The following EFR3B variants were observed in gnomAD, a reference collection of about 807,000 sequenced individuals.
EFR3B encodes the protein EFR3 homolog B.
EFR3B carries 64 observed loss-of-function variants against 104.7 expected under a neutral mutation model. The ratio of observed to expected loss-of-function variants is 0.61; its 90% CI spans 0.50 to 0.75. The LOEUF is 0.75. EFR3B is among the 30% of genes least tolerant of loss of function. The pLI is 0.00. For synonymous variants in EFR3B, 385 were observed against 417.9 expected, an observed-to-expected ratio of 0.92 and a Z score of 0.96; for missense variants, 750 against 1,078.5, an observed-to-expected ratio of 0.70 and a Z score of 4.27.
At chr2:25,060,432 T>C (rs1668155671) in intron 1 of EFR3B, among the ~76,000 whole-genome samples, 1 of 152,056 alleles carries the variant, frequency 6.6e-6, no homozygotes, top group South Asian at 2.1e-4. Context: ...CTCTTCCAAC[T>C]CAAATTAAGA....
chr2:25,057,503 T>TG (rs1194558437), intron 1 of EFR3B, among the ~76,000 whole-genome samples: 2 of 152,160 alleles, frequency 1.3e-5, no homozygotes, highest in South Asian at 2.1e-4. Flanking sequence ...ATTATCAGGC[T>TG]GAGCACGGTG....
chr2:25,050,294 G>A (rs1331481419), intron 1 of EFR3B, among the ~76,000 whole-genome samples: 1 of 152,152 alleles, frequency 6.6e-6, no homozygotes, highest in Non-Finnish European at 1.5e-5. Context: ...GTGGTGGGAG[G>A]TGATGTGAAA....
chr2:25,078,978 G>A lies in EFR3B; in HGVS notation c.8-12347G>A, dbSNP rs1021726553. Among the ~76,000 whole-genome samples the A allele has an allele frequency of 7.2e-5, 11 of 152,230 alleles. No individual in the cohort carries two copies. In the South Asian group the frequency reaches 1.7e-3, roughly 23 times the overall value. On this transcript the variant is annotated intron_variant, in intron 1 of 22. Transcript: ENST00000403714. ...GGCTCCCCTAATCTGCTCTGCTTCC[G>A]ACCTCCCAACCCTTCTCACTGTGGA...
chr2:25,100,586 G>A (rs541342543), intron 3 of EFR3B, among the ~76,000 whole-genome samples: 1 of 152,250 alleles, frequency 6.6e-6, no homozygotes, highest in African/African-American at 2.4e-5. Flanking sequence ...TCTGCCTCCT[G>A]AGTTCACACC....
rs772393613 is a variant in EFR3B at position 25,131,380 on chromosome 2, C to A, written c.862C>A (p.His288Asn). The A allele has an allele frequency of 1.3e-6, 2 of 1,550,874 alleles. No individual in the cohort carries two copies. The highest frequency in any genetic ancestry group is 8.7e-7 in the Non-Finnish European group (1 of 1,146,814). Residue 288 changes from histidine (H) to asparagine (N), a missense_variant, in exon 9 of 23, where the codon CAC (histidine) becomes AAC (asparagine). Coordinates refer to ENST00000403714, the MANE Select transcript of EFR3B (RefSeq NM_014971.2). This position sits in a 1 kb window ranked among gnomAD's most constrained non-coding sequence, Gnocchi z 7.6. ...IMYSIQPQHS[H>N]LVIQQLLGHL... ...CTTCCTCCCGCAGCCGCAGCACTCACACCTGGTCATCCAGCAGCTCCTGGG... is the reference window on the plus strand; with the variant it reads ...CTTCCTCCCGCAGCCGCAGCACTCAAACCTGGTCATCCAGCAGCTCCTGGG...
chr2:25,108,955 G>A (rs1441362032), intron 4 of EFR3B, among the ~76,000 whole-genome samples: 2 of 151,992 alleles, frequency 1.3e-5, no homozygotes, highest in African/African-American at 4.8e-5. Flanking sequence ...GCAGTGAGCC[G>A]AGATCGCTCC....
intron 1 of EFR3B, among the ~76,000 whole-genome samples, chr2:25,074,166 G>A (rs1181112108): frequency 1.3e-5 from 2 of 151,894 alleles, no homozygotes; most frequent in African/African-American, 4.8e-5. Context: ...GTCGCTCTAA[G>A]GAGTGGAGGG....
intron 1 of EFR3B, among the ~76,000 whole-genome samples, chr2:25,043,615 C>T (rs1366271616): frequency 6.6e-6 from 1 of 152,202 alleles, no homozygotes; most frequent in Non-Finnish European, 1.5e-5. Context: ...TACCATTTCT[C>T]TTGGACCAAG....
chr2:25,099,460 GACA>G (rs1456996609), intron 3 of EFR3B, among the ~76,000 whole-genome samples: 1 of 151,822 alleles, frequency 6.6e-6, no homozygotes, highest in Non-Finnish European at 1.5e-5. Flanking sequence ...TGGGCCCAGA[GACA>G]ACTATTTGAT....
At position 25,129,986 on chromosome 2, in the gene EFR3B, C is replaced by T; in HGVS notation, c.647C>T (p.Ser216Leu). Residue 216 changes from serine to leucine, a missense_variant, in exon 7 of 23, where the codon TCA becomes TTA. Transcript: ENST00000403714. ...CTCTGTCTCCCCAGCCGGTCTCCCTCACCCCTCCAAGCACCTGAGAAGGAG... is the reference window on the plus strand; with the variant it reads ...CTCTGTCTCCCCAGCCGGTCTCCCTTACCCCTCCAAGCACCTGAGAAGGAG... ...HVEEAESRSP[S>L]PLQAPEKEKE... 1 of 1,551,670 alleles carries T rather than the reference C, an allele frequency of 6.4e-7. No individual in the cohort carries two copies. Among genetic ancestry groups the T allele is most frequent in the Non-Finnish European group, 8.7e-7 (1 of 1,147,018 alleles).
At chr2:25,083,568 G>C (rs1361709277) in intron 1 of EFR3B, among the ~76,000 whole-genome samples, 1 of 152,116 alleles carries the variant, frequency 6.6e-6, no homozygotes, top group Admixed American at 6.5e-5. Flanking sequence ...AGGGGTGCTT[G>C]TGGGTTCCCA....
rs1670292507 is a variant in EFR3B, at chr2:25,130,251, G to T, written c.770+142G>T. On this transcript the variant is annotated intron_variant, in intron 7 of 22. Transcript: ENST00000403714. This position sits in a 1 kb window ranked among gnomAD's most constrained non-coding sequence, Gnocchi z 4.6. ...GAGTCGATCCCTTCCCTGTGCCTGT[G>T]TTCCCTGCACTGTGACAGCAAAAGC... The T allele has an allele frequency of 1.6e-5, 21 of 1,354,692 alleles. No homozygotes were observed. The highest frequency in any genetic ancestry group is 2.1e-5 in the Non-Finnish European group (21 of 1,000,822). The allele number at this position is 1,354,692 out of a possible 1,614,324, so 83.9% of individuals were successfully genotyped here.
intron 1 of EFR3B, among the ~76,000 whole-genome samples, chr2:25,073,929 T>G (rs1004130232): frequency 6.6e-6 from 1 of 152,076 alleles, no homozygotes; most frequent in African/African-American, 2.4e-5. Context: ...CATAAAACTT[T>G]CCATGAGAAA....
chr2:25,141,514 T>G (rs1670665576), intron 17 of EFR3B, 81 bp downstream of exon 17: 1 of 1,445,852 alleles, frequency 6.9e-7, no homozygotes, highest in African/African-American at 1.4e-5. Flanking sequence ...TCAGGAGGGG[T>G]CAATGCCAGG....
chr2:25,121,586 A>G, intron 4 of EFR3B, 87 bp from the exon 5 acceptor site: 3 of 1,501,526 alleles, frequency 2.0e-6, no homozygotes, highest in Non-Finnish European at 2.7e-6. Flanking sequence ...CCATGGCTTG[A>G]CCATGGCAGG....
At chr2:25,152,997 G>T (rs1182326171) in intron 21 of EFR3B, among the ~76,000 whole-genome samples, 1 of 152,124 alleles carries the variant, frequency 6.6e-6, no homozygotes, top group Admixed American at 6.6e-5. Flanking sequence ...ATTAGAGCCA[G>T]AAGTAATCAG....
In EFR3B at chr2:25,100,270, A is replaced by G. The variant is rs1444604766; in HGVS notation, c.213-3367A>G. On this transcript the variant is annotated intron_variant, in intron 3 of 22. Transcript: ENST00000403714. Reference sequence around the variant, plus strand: ...TGATGGATATGATTTAGGTCAAGACATAAAGAAGAACGAATCTTTTAATTC... The same window carrying G: ...TGATGGATATGATTTAGGTCAAGACGTAAAGAAGAACGAATCTTTTAATTC... 3.3e-5 allele frequency among the ~76,000 whole-genome samples: 5 copies of G among 152,302 alleles called. No individual in the cohort carries two copies. The East Asian group carries it at 5.8e-4, about 18-fold the overall frequency.
chr2:25,059,973 C>A (rs998450175), intron 1 of EFR3B, among the ~76,000 whole-genome samples: 7 of 150,206 alleles, frequency 4.7e-5, no homozygotes, highest in Admixed American at 3.3e-4. Context: ...CTGAGATGGG[C>A]ATATCACGAG....
At chr2:25,080,698 G>T (rs1251969817) in intron 1 of EFR3B, 28 of 824,398 alleles carry the variant, frequency 3.4e-5, no homozygotes, top group Non-Finnish European at 4.8e-5. Flanking sequence ...TGCCTTAGCA[G>T]CGTCTTTGTC....
Sources: allele counts gnomAD v4.1 joint callset (sites outside exome capture counted in the v4.1 genomes callset), GRCh38; gene constraint gnomAD v4.1.1; non-coding constraint Gnocchi (gnomAD v3.1); transcripts MANE v1.5; gene names NCBI Gene and HGNC (gene_info 2026-07-23, HGNC 2026-07-21).